Variants in KIRREL1 observed in about 807,000 individuals in gnomAD.
KIRREL1 encodes the protein kirre like nephrin family adhesion molecule 1, also known as kin of IRRE-like protein 1.
A neutral mutation model predicts 83.3 loss-of-function variants in KIRREL1; 25 were observed. The observed-to-expected ratio is 0.30, with a 90% CI of 0.22 to 0.42. The LOEUF (loss-of-function observed/expected upper bound fraction) is 0.42, where lower values mean the gene tolerates loss of function less well. Among genes scored for constraint, KIRREL1 ranks in the 10% least tolerant of loss-of-function variants. The pLI, the probability that KIRREL1 is intolerant of heterozygous loss-of-function variation, is 1.00. For missense variants in KIRREL1, 812 were observed against 1,032.3 expected, an observed-to-expected ratio of 0.79 and a Z score of 2.92; for synonymous variants, 388 against 410.4, an observed-to-expected ratio of 0.95 and a Z score of 0.66.
intron 1 of KIRREL1, among the ~76,000 whole-genome samples, chr1:158,021,153 T>C (rs1488892449): frequency 6.6e-6 from 1 of 152,090 alleles, no homozygotes; most frequent in Non-Finnish European, 1.5e-5. Flanking sequence ...CAGTAAAAAA[T>C]GCCGTATCCT....
intron 1 of KIRREL1, among the ~76,000 whole-genome samples, chr1:158,056,970 C>T (rs1661082428): frequency 1.3e-5 from 2 of 152,172 alleles, no homozygotes; most frequent in Non-Finnish European, 2.9e-5. Context: ...ATCTTTGCCA[C>T]TCCCATCTCC....
At chr1:158,071,870 G>C (rs1187344247) in intron 1 of KIRREL1, among the ~76,000 whole-genome samples, 2 of 152,052 alleles carry the variant, frequency 1.3e-5, no homozygotes, top group South Asian at 4.2e-4. Flanking sequence ...CACTTGTCCT[G>C]GGTTTTTAGT....
chr1:158,094,503 G>A lies in KIRREL1; in HGVS notation c.1797+113G>A. 1.5e-6 allele frequency: 2 copies of A among 1,307,918 alleles called. No homozygotes were observed. The highest frequency in any genetic ancestry group is 2.2e-6 in the Non-Finnish European group (2 of 905,410). The allele number at this position is 1,307,918 out of a possible 1,614,324, so 81.0% of individuals were successfully genotyped here. A position where few individuals can be genotyped will look rare whatever the true frequency, so the allele number is the denominator to read the frequency against. On this transcript the variant is annotated intron_variant, in intron 14 of 14. Transcript: ENST00000359209. This position sits in a 1 kb window ranked among gnomAD's most constrained non-coding sequence, Gnocchi z 4.6. ...GACTTGGGGAGGAGTGGTTGGGAGGGTTTTTGAAGGAGCAGAGGAGGTGGA... is the reference window on the plus strand; with the variant it reads ...GACTTGGGGAGGAGTGGTTGGGAGGATTTTTGAAGGAGCAGAGGAGGTGGA...
chr1:158,047,660 C>G (rs1242557775), intron 1 of KIRREL1, among the ~76,000 whole-genome samples: 1 of 152,134 alleles, frequency 6.6e-6, no homozygotes, highest in Non-Finnish European at 1.5e-5. Context: ...TCCCTGTTTT[C>G]TAGTTGGGTT....
intron 1 of KIRREL1, among the ~76,000 whole-genome samples, chr1:158,013,135 A>C (rs773957668): frequency 6.6e-6 from 1 of 152,204 alleles, no homozygotes; most frequent in African/African-American, 2.4e-5. Flanking sequence ...AAAATGCCAC[A>C]CTGCTGTCCA....
intron 1 of KIRREL1, among the ~76,000 whole-genome samples, chr1:158,018,158 G>T (rs558306070): frequency 1.3e-5 from 2 of 152,138 alleles, no homozygotes; most frequent in Non-Finnish European, 2.9e-5. Context: ...CTGAGAGGAA[G>T]AATTGGGGGG....
intron 1 of KIRREL1, among the ~76,000 whole-genome samples, chr1:158,021,856 A>G (rs530638295): frequency 2.0e-4 from 30 of 152,254 alleles, no homozygotes; most frequent in Middle Eastern, 3.4e-3. Context: ...ACTGCAGAGA[A>G]ATGCCATGTA....
At chr1:158,069,057 G>T (rs1034092803) in intron 1 of KIRREL1, among the ~76,000 whole-genome samples, 2 of 152,112 alleles carry the variant, frequency 1.3e-5, no homozygotes, top group Non-Finnish European at 2.9e-5. Flanking sequence ...TCTGCCGCCT[G>T]GTCCCCTGGC....
intron 1 of KIRREL1, among the ~76,000 whole-genome samples, chr1:158,072,537 C>T (rs1429729994): frequency 2.6e-5 from 4 of 152,050 alleles, no homozygotes; most frequent in Non-Finnish European, 4.4e-5. Context: ...GGGAACTACA[C>T]GAAAGTCACG....
chr1:158,049,575 G>A (rs1034291724), intron 1 of KIRREL1, among the ~76,000 whole-genome samples: 5 of 152,204 alleles, frequency 3.3e-5, no homozygotes, highest in Non-Finnish European at 7.3e-5. Flanking sequence ...TTTTCATAGG[G>A]CAATGTTATC....
At chr1:157,995,315 A>G (rs1659164407) in intron 1 of KIRREL1, among the ~76,000 whole-genome samples, 2 of 152,220 alleles carry the variant, frequency 1.3e-5, no homozygotes, top group South Asian at 4.1e-4. Flanking sequence ...AAGGGCACAC[A>G]TCTGTGGTGT....
intron 1 of KIRREL1, among the ~76,000 whole-genome samples, chr1:157,995,947 G>C (rs1478302692): frequency 6.6e-6 from 1 of 151,978 alleles, no homozygotes; most frequent in East Asian, 1.9e-4. Context: ...GGACACACAT[G>C]GGGGTGGAGA....
intron 11 of KIRREL1, among the ~76,000 whole-genome samples, chr1:158,092,051 G>A (rs896409709): frequency 1.3e-5 from 2 of 152,236 alleles, no homozygotes; most frequent in Admixed American, 1.3e-4. Flanking sequence ...TTGGGTGGAC[G>A]TGAGGATTAA....
chr1:157,994,262 G>A (rs1659127515), intron 1 of KIRREL1, among the ~76,000 whole-genome samples: 1 of 152,164 alleles, frequency 6.6e-6, no homozygotes, highest in African/African-American at 2.4e-5. Flanking sequence ...CCTGCCTGGG[G>A]CTGCCCCCTC....
intron 1 of KIRREL1, among the ~76,000 whole-genome samples, chr1:158,058,761 C>G (rs1329098022): frequency 6.6e-6 from 1 of 152,110 alleles, no homozygotes; most frequent in Non-Finnish European, 1.5e-5. Flanking sequence ...ATCTGGGACC[C>G]GATGCTTCAT....
chr1:158,003,861 G>A (rs1274447913), intron 1 of KIRREL1, among the ~76,000 whole-genome samples: 1 of 151,956 alleles, frequency 6.6e-6, no homozygotes, highest in Non-Finnish European at 1.5e-5. Context: ...TGGATTATCT[G>A]CACCGCTGCC....
intron 1 of KIRREL1, among the ~76,000 whole-genome samples, chr1:158,060,529 G>A (rs1053191237): frequency 9.9e-5 from 15 of 152,006 alleles, no homozygotes; most frequent in Middle Eastern, 6.8e-3. Context: ...TGCCTGTTCC[G>A]CCTCCACTGA....
intron 1 of KIRREL1, among the ~76,000 whole-genome samples, chr1:157,996,270 C>T (rs1659196933): frequency 6.6e-6 from 1 of 152,104 alleles, no homozygotes; most frequent in African/African-American, 2.4e-5. Flanking sequence ...AACCATTATC[C>T]TTCCCCCCGT....
At chr1:158,084,611 T>A (rs750730295) in intron 4 of KIRREL1, 32 bp downstream of exon 4, 66 of 1,548,308 alleles carry the variant, frequency 4.3e-5, no homozygotes, top group Non-Finnish European at 5.7e-5. Flanking sequence ...CAGCTCCTCC[T>A]GGGCCTAGCC....
Sources: allele counts gnomAD v4.1 joint callset (sites outside exome capture counted in the v4.1 genomes callset), GRCh38; gene constraint gnomAD v4.1.1; non-coding constraint Gnocchi (gnomAD v3.1); transcripts MANE v1.5; gene names NCBI Gene and HGNC (gene_info 2026-07-23, HGNC 2026-07-21).